The following RAPGEF2 variants were observed in gnomAD, a reference collection of about 807,000 sequenced individuals.
The protein encoded by RAPGEF2 is Rap guanine nucleotide exchange factor 2.
RAPGEF2 carries 54 observed loss-of-function variants against 186.7 expected under a neutral mutation model. The ratio of observed to expected loss-of-function variants is 0.29; its 90% CI spans 0.23 to 0.36. The LOEUF (loss-of-function observed/expected upper bound fraction) is 0.36. RAPGEF2 is among the 10% of genes least tolerant of loss of function. The pLI is 1.00. For missense variants in RAPGEF2, 1,532 were observed against 2,045.0 expected, an observed-to-expected ratio of 0.75 and a Z score of 4.84; for synonymous variants, 712 against 705.9, an observed-to-expected ratio of 1.01 and a Z score of -0.14.
rs186380944 is a variant in RAPGEF2 at position 159,156,476 on chromosome 4, T to C, written c.70-30166T>C. 1.3e-4 allele frequency among the ~76,000 whole-genome samples: 20 copies of C among 151,948 alleles called. No homozygotes were observed. In the East Asian group the frequency reaches 3.5e-3, roughly 26 times the overall value. On this transcript the variant is annotated intron_variant, in intron 1 of 29. Coordinates refer to ENST00000691494, the MANE Select transcript of RAPGEF2 (RefSeq NM_001394067.2). ...AATTTTTTTTTTAGCCTGAGGAACT[T>C]TTTTTTTGCATTTAAAAAAAATTAT...
At chr4:159,183,388 C>T (rs774370724) in intron 1 of RAPGEF2, among the ~76,000 whole-genome samples, 3 of 152,148 alleles carry the variant, frequency 2.0e-5, no homozygotes, top group Non-Finnish European at 4.4e-5. Flanking sequence ...ATGTTGGACC[C>T]CTACTTCACA....
At chr4:159,232,742 C>T (rs960196561) in intron 4 of RAPGEF2, among the ~76,000 whole-genome samples, 5 of 152,078 alleles carry the variant, frequency 3.3e-5, no homozygotes, top group African/African-American at 1.2e-4. Context: ...TTTTACATGC[C>T]CACCAGCAAT....
intron 10 of RAPGEF2, among the ~76,000 whole-genome samples, chr4:159,323,212 G>A (rs1055396852): frequency 2.6e-5 from 4 of 152,110 alleles, no homozygotes; most frequent in African/African-American, 9.7e-5. Context: ...TCATTTTAGA[G>A]AAGAATATCC....
At chr4:159,161,140 CG>C (rs1377407881) in intron 1 of RAPGEF2, among the ~76,000 whole-genome samples, 2 of 152,020 alleles carry the variant, frequency 1.3e-5, no homozygotes, top group African/African-American at 4.8e-5. Flanking sequence ...ACATTAAAAA[CG>C]GATTTCTGTG....
intron 1 of RAPGEF2, among the ~76,000 whole-genome samples, chr4:159,132,246 C>T (rs890485742): frequency 5.3e-5 from 8 of 152,188 alleles, no homozygotes; most frequent in Non-Finnish European, 8.8e-5. Flanking sequence ...ATTTTATGAT[C>T]GTACTTCACA....
intron 1 of RAPGEF2, among the ~76,000 whole-genome samples, chr4:159,144,181 T>G (rs1742651762): frequency 6.7e-6 from 1 of 149,714 alleles, no homozygotes; most frequent in Non-Finnish European, 1.5e-5. Flanking sequence ...TATAGCTGCA[T>G]AAACAGTTTT....
At chr4:159,248,583 T>G (rs1233749883) in intron 7 of RAPGEF2, among the ~76,000 whole-genome samples, 1 of 152,170 alleles carries the variant, frequency 6.6e-6, no homozygotes, top group African/African-American at 2.4e-5. Flanking sequence ...GTGCTGCAAT[T>G]TCTGGCAAAA....
chr4:159,109,046 G>A (rs1242166719), intron 1 of RAPGEF2, among the ~76,000 whole-genome samples: 4 of 152,126 alleles, frequency 2.6e-5, no homozygotes, highest in South Asian at 2.1e-4. Flanking sequence ...AATTCAAGTT[G>A]CATAAAATTA....
intron 7 of RAPGEF2, among the ~76,000 whole-genome samples, chr4:159,284,646 T>C (rs1344346098): frequency 1.3e-5 from 2 of 152,214 alleles, no homozygotes; most frequent in Non-Finnish European, 2.9e-5. Context: ...GTGATAAATC[T>C]TCATTTTTGG....
intron 1 of RAPGEF2, among the ~76,000 whole-genome samples, chr4:159,159,123 C>T (rs958367428): frequency 2.6e-5 from 4 of 152,158 alleles, no homozygotes; most frequent in African/African-American, 4.8e-5. Flanking sequence ...GGTCTGATGC[C>T]AAAATACTTC....
At chr4:159,351,526 G>C (rs1195682547) in intron 26 of RAPGEF2, among the ~76,000 whole-genome samples, 2 of 152,088 alleles carry the variant, frequency 1.3e-5, no homozygotes, top group Non-Finnish European at 2.9e-5. Flanking sequence ...TAGGTAAGTG[G>C]CATTGAAGAA....
intron 16 of RAPGEF2, among the ~76,000 whole-genome samples, 191 bp downstream of exon 16, chr4:159,332,225 A>C (rs1330388153): frequency 6.6e-6 from 1 of 152,110 alleles, no homozygotes; most frequent in Non-Finnish European, 1.5e-5. Flanking sequence ...TACTAAAATA[A>C]CCGTAAAGAG....
chr4:159,104,633 G>C (rs975384500), intron 1 of RAPGEF2, among the ~76,000 whole-genome samples: 1 of 151,820 alleles, frequency 6.6e-6, no homozygotes, highest in Non-Finnish European at 1.5e-5. Context: ...CGTGGCCTCT[G>C]AATCTCAGGG....
chr4:159,308,438 C>T (rs1763565635), intron 8 of RAPGEF2, among the ~76,000 whole-genome samples: 1 of 152,202 alleles, frequency 6.6e-6, no homozygotes, highest in South Asian at 2.1e-4. Flanking sequence ...AGAAGTCTGA[C>T]ATGCATCTGG....
intron 1 of RAPGEF2, among the ~76,000 whole-genome samples, chr4:159,134,976 C>G (rs901218817): frequency 6.6e-6 from 1 of 152,202 alleles, no homozygotes. Context: ...TGGCTTCTTT[C>G]ATTTAGCATA....
Position 159,243,317 on chromosome 4 carries a change from G to C in RAPGEF2, c.526-457G>C, listed in dbSNP as rs1238048681. On this transcript the variant is annotated intron_variant, in intron 6 of 29. Coordinates refer to ENST00000691494, the MANE Select transcript of RAPGEF2 (RefSeq NM_001394067.2). ...GTCATAAGGATTGCATCCTTTTTTG[G>C]GGTGTAAAAATAACATTATAATTTA... Among the ~76,000 whole-genome samples, 9 of 151,266 alleles carry C rather than the reference G, an allele frequency of 5.9e-5. No individual in the cohort carries two copies. In the East Asian group the frequency reaches 1.6e-3, roughly 26 times the overall value.
chr4:159,331,804 A>C lies in RAPGEF2; in HGVS notation c.1750A>C (p.Thr584Pro), dbSNP rs759865636. The C allele has an allele frequency of 6.2e-7, 1 of 1,614,068 alleles. No homozygotes were observed. Among genetic ancestry groups the C allele is most frequent in the Admixed American group, 1.7e-5 (1 of 60,016 alleles). The change falls in exon 15 of 30, where the codon ACT becomes CCT. Residue 584 changes from threonine to proline, a missense_variant. Physicochemically the swap from Thr to Pro is conservative, Grantham distance 38. Coordinates refer to ENST00000691494, the MANE Select transcript of RAPGEF2 (RefSeq NM_001394067.2). Reference sequence around the variant, plus strand: ...CAGTGTAGATTCAGGTAGCAAAGCAACTGAAGCAGGCTTGAAACGGGGGGA... The same window carrying C: ...CAGTGTAGATTCAGGTAGCAAAGCACCTGAAGCAGGCTTGAAACGGGGGGA... ...VDSVDSGSKATEAGLKRGDQI... is the reference protein window; with the variant it reads ...VDSVDSGSKAPEAGLKRGDQI...
At chr4:159,330,231 T>C (rs1766462950) in intron 12 of RAPGEF2, 103 bp from the exon 13 acceptor site, 1 of 883,882 alleles carries the variant, frequency 1.1e-6, no homozygotes, top group Admixed American at 2.9e-5. Context: ...CCCAGTACCA[T>C]ATAAATGTCA....
intron 1 of RAPGEF2, among the ~76,000 whole-genome samples, 172 bp from the exon 2 acceptor site, chr4:159,186,470 G>A (rs1196040245): frequency 6.6e-6 from 1 of 152,018 alleles, no homozygotes; most frequent in Non-Finnish European, 1.5e-5. Flanking sequence ...TGTAATGGAT[G>A]ACATTTGTAC....
Sources: gnomAD v4.1 joint callset for allele counts (sites outside exome capture counted in the v4.1 genomes callset) on GRCh38, gnomAD v4.1.1 for gene constraint, MANE v1.5 for transcripts, NCBI Gene and HGNC (gene_info 2026-07-23, HGNC 2026-07-21) for gene names.